ARHGEF10: variants seen among roughly 807,000 people sequenced by gnomAD.
ARHGEF10 encodes the protein Rho guanine nucleotide exchange factor 10.
Under a neutral mutation model 147.4 loss-of-function variants are expected in ARHGEF10, and 140 were observed. That is an observed-to-expected ratio of 0.95 (90% CI 0.83 to 1.09). The LOEUF is 1.09. Ranked by LOEUF, ARHGEF10 falls within the 50% of genes least tolerant of loss-of-function variation. The probability of loss-of-function intolerance (pLI) is 0.00; values close to 1 mark genes in which losing one functional copy is unlikely to be tolerated. For missense variants in ARHGEF10, 2,222 were observed against 1,752.7 expected, an observed-to-expected ratio of 1.27 and a Z score of -4.78; for synonymous variants, 902 against 695.8, an observed-to-expected ratio of 1.30 and a Z score of -4.67.
At chr8:1,913,763 C>T (rs146590298) in intron 18 of ARHGEF10, among the ~76,000 whole-genome samples, 153 of 152,340 alleles carry the variant, frequency 1.0e-3, no homozygotes, top group Middle Eastern at 3.4e-3. Flanking sequence ...CTTTCTGTCC[C>T]GGAAGCGTGT....
intron 14 of ARHGEF10, among the ~76,000 whole-genome samples, chr8:1,897,539 G>T (rs1810095196): frequency 6.7e-6 from 1 of 150,138 alleles, no homozygotes; most frequent in African/African-American, 2.5e-5. Context: ...TCGGATCGCA[G>T]TTCCCCCTCT....
intron 11 of ARHGEF10, among the ~76,000 whole-genome samples, chr8:1,891,239 A>T (rs547674960): frequency 6.6e-6 from 1 of 152,156 alleles, no homozygotes; most frequent in African/African-American, 2.4e-5. Flanking sequence ...CATGATTCAC[A>T]TCGATTTTGT....
chr8:1,921,937 TG>T (rs1459725862), intron 18 of ARHGEF10, among the ~76,000 whole-genome samples: 1 of 152,150 alleles, frequency 6.6e-6, no homozygotes, highest in African/African-American at 2.4e-5. Context: ...CTTCTCTTAC[TG>T]GTTTTTTGAC....
rs369866390 is a variant in ARHGEF10, at chr8:1,945,471, G to A, written c.3223-10G>A. On this transcript the variant is annotated splice_polypyrimidine_tract_variant and intron_variant, in intron 26 of 28. Coordinates refer to ENST00000349830, the MANE Select transcript of ARHGEF10 (RefSeq NM_014629.4). Reference sequence around the variant, plus strand: ...ACGGGGCTAGCAGACTTGACCTCTCGATTTCACAGGGTCAGCTGGAGGCCC... The same window carrying A: ...ACGGGGCTAGCAGACTTGACCTCTCAATTTCACAGGGTCAGCTGGAGGCCC... The A allele has an allele frequency of 2.0e-5, 31 of 1,583,706 alleles. No individual in the cohort carries two copies. Among genetic ancestry groups the A allele is most frequent in the Admixed American group, 1.5e-4 (8 of 54,926 alleles).
chr8:1,929,569 C>G (rs1385487265), intron 25 of ARHGEF10, 126 bp downstream of exon 25: 3 of 1,178,260 alleles, frequency 2.5e-6, no homozygotes, highest in Non-Finnish European at 3.5e-6. Context: ...CGCCCCTGCG[C>G]TCGTCACCCT....
intron 11 of ARHGEF10, among the ~76,000 whole-genome samples, chr8:1,890,134 TG>T (rs1809345951): frequency 8.9e-5 from 2 of 22,522 alleles, no homozygotes; most frequent in African/African-American, 3.6e-4. Context: ...GAAAACGGAG[TG>T]GGGTGAGGGT....
At chr8:1,920,031 TATGGGTGATGGAGCTGTTCC>T (rs1812141034) in intron 18 of ARHGEF10, among the ~76,000 whole-genome samples, 7 of 105,112 alleles carry the variant, frequency 6.7e-5, no homozygotes, top group Admixed American at 6.4e-4. Context: ...GGAGCTGTTC[TATGGGTGATGGAGCTGTTCC>T]GTGGGTGATG....
intron 3 of ARHGEF10, 62 bp downstream of exon 3, chr8:1,858,177 TG>T (rs1805745283): frequency 2.0e-6 from 3 of 1,511,658 alleles, no homozygotes; most frequent in East Asian, 4.7e-5. Context: ...AGTCCCCAGG[TG>T]GGTCCCCATG....
chr8:1,897,082 G>A (rs1022102916), intron 14 of ARHGEF10, among the ~76,000 whole-genome samples: 2 of 152,222 alleles, frequency 1.3e-5, no homozygotes, highest in African/African-American at 2.4e-5. Flanking sequence ...CTTCAAAGAC[G>A]TCGGCGGAAC....
chr8:1,879,628 C>G (rs1808007470), intron 8 of ARHGEF10, among the ~76,000 whole-genome samples: 1 of 151,840 alleles, frequency 6.6e-6, no homozygotes, highest in Non-Finnish European at 1.5e-5. Context: ...TCACGGCTCA[C>G]TGCAGCCTCC....
At chr8:1,856,348 G>A (rs1245624658) in intron 2 of ARHGEF10, among the ~76,000 whole-genome samples, 1 of 152,186 alleles carries the variant, frequency 6.6e-6, no homozygotes, top group Non-Finnish European at 1.5e-5. Context: ...GTCAGCTGGG[G>A]GTCTCATCCC....
chr8:1,926,464 G>A lies in ARHGEF10; in HGVS notation c.2697+1G>A. 6.2e-7 allele frequency: 1 copy of A among 1,613,100 alleles called. No homozygotes were observed. Among genetic ancestry groups the A allele is most frequent in the South Asian group, 1.1e-5 (1 of 91,068 alleles). Reference sequence around the variant, plus strand: ...TTCCACGGCACATGGTTTCCTGTGGGTAAGATGTGTTTATTTGGTTTTGGT... The same window carrying A: ...TTCCACGGCACATGGTTTCCTGTGGATAAGATGTGTTTATTTGGTTTTGGT... On this transcript the variant is annotated splice_donor_variant, in intron 23 of 28. Coordinates refer to ENST00000349830, the MANE Select transcript of ARHGEF10 (RefSeq NM_014629.4). LOFTEE classifies it high-confidence loss of function.
At chr8:1,872,862 G>C (rs1807245628) in intron 7 of ARHGEF10, among the ~76,000 whole-genome samples, 1 of 152,212 alleles carries the variant, frequency 6.6e-6, no homozygotes, top group Non-Finnish European at 1.5e-5. Flanking sequence ...GAGATAGGGT[G>C]ATTTCATCCT....
chr8:1,957,340 A>C lies in ARHGEF10; in HGVS notation c.*77A>C. ...AGCTAATCCTACAGCCTGAGTGGTTAAGCTGTGTCTACACTGGTTGGGAAT... is the reference window on the plus strand; with the variant it reads ...AGCTAATCCTACAGCCTGAGTGGTTCAGCTGTGTCTACACTGGTTGGGAAT... On this transcript the variant is annotated 3_prime_UTR_variant, in exon 29 of 29. Transcript: ENST00000349830. 2.6e-6 allele frequency: 4 copies of C among 1,550,678 alleles called. No homozygotes were observed. Among genetic ancestry groups the C allele is most frequent in the Non-Finnish European group, 3.5e-6 (4 of 1,150,112 alleles).
intron 11 of ARHGEF10, among the ~76,000 whole-genome samples, chr8:1,888,631 A>G (rs1200997198): frequency 7.0e-5 from 9 of 128,476 alleles, no homozygotes; most frequent in Admixed American, 2.9e-4. Context: ...GAGGAAACAC[A>G]GAGTGTGGTA....
chr8:1,929,960 G>T (rs1585579427), intron 25 of ARHGEF10, among the ~76,000 whole-genome samples: 1 of 152,160 alleles, frequency 6.6e-6, no homozygotes, highest in Admixed American at 6.5e-5. Flanking sequence ...CAGCCGCTGG[G>T]GGTGGGCAGC....
At chr8:1,908,474 T>C (rs1028426716) in intron 17 of ARHGEF10, among the ~76,000 whole-genome samples, 11 of 152,244 alleles carry the variant, frequency 7.2e-5, no homozygotes, top group South Asian at 6.2e-4. Flanking sequence ...CCTTGTGATC[T>C]GCCTGCCTTG....
chr8:1,901,006 C>T (rs188399737), intron 15 of ARHGEF10, among the ~76,000 whole-genome samples: 69 of 152,236 alleles, frequency 4.5e-4, no homozygotes, highest in African/African-American at 1.3e-3. Context: ...TTTGATGAAA[C>T]GCTGGCGTAT....
intron 26 of ARHGEF10, among the ~76,000 whole-genome samples, chr8:1,939,958 G>A (rs954192814): frequency 6.6e-6 from 1 of 152,182 alleles, no homozygotes; most frequent in East Asian, 1.9e-4. Flanking sequence ...CCATTGAAGG[G>A]TTTTCAGCGT....
Sources: gnomAD v4.1 joint callset for allele counts (sites outside exome capture counted in the v4.1 genomes callset) on GRCh38, gnomAD v4.1.1 for gene constraint, MANE v1.5 for transcripts, NCBI Gene and HGNC (gene_info 2026-07-23, HGNC 2026-07-21) for gene names.